BAZ2B: variants seen among roughly 807,000 people sequenced by gnomAD.
BAZ2B encodes the protein bromodomain adjacent to zinc finger domain protein 2B.
A neutral mutation model predicts 246.0 loss-of-function variants in BAZ2B; 91 were observed. The ratio of observed to expected loss-of-function variants is 0.37; its 90% confidence interval spans 0.31 to 0.44. The LOEUF is 0.44. BAZ2B is among the 20% of genes least tolerant of loss of function. BAZ2B has a pLI of 1.00. For synonymous variants in BAZ2B, 855 were observed against 860.0 expected, an observed-to-expected ratio of 0.99 and a Z score of 0.10; for missense variants, 2,332 against 2,533.7, an observed-to-expected ratio of 0.92 and a Z score of 1.71.
At chr2:159,469,887 A>G (rs1192568482) in intron 3 of BAZ2B, among the ~76,000 whole-genome samples, 2 of 152,228 alleles carry the variant, frequency 1.3e-5, no homozygotes, top group Non-Finnish European at 2.9e-5. Flanking sequence ...TAATATCATT[A>G]TATATTCTTT....
the BAZ2B span, among the ~76,000 whole-genome samples, chr2:159,629,230 T>G: frequency 6.6e-6 from 1 of 152,196 alleles, no homozygotes; most frequent in South Asian, 2.1e-4. Flanking sequence ...TTGGTGGGAG[T>G]GTAAATTAGT....
At chr2:159,560,422 T>C (rs1453988878) in intron 1 of BAZ2B, among the ~76,000 whole-genome samples, 1 of 152,228 alleles carries the variant, frequency 6.6e-6, no homozygotes, top group Admixed American at 6.5e-5. Flanking sequence ...TGAAAAATAA[T>C]CTCACAAATC....
chr2:159,395,254 T>C (rs1388427947), intron 20 of BAZ2B: 1 of 152,240 alleles, frequency 6.6e-6, no homozygotes, highest in Non-Finnish European at 1.5e-5. Flanking sequence ...TTTCAACCTT[T>C]AAGTGATTTC....
chr2:159,355,520 T>C (rs1168253622), intron 27 of BAZ2B, among the ~76,000 whole-genome samples: 1 of 152,206 alleles, frequency 6.6e-6, no homozygotes, highest in Non-Finnish European at 1.5e-5. Flanking sequence ...AGCAATTACA[T>C]TGTATACTTG....
intron 24 of BAZ2B, 144 bp from the exon 25 acceptor site, chr2:159,382,946 A>G (rs2062176758): frequency 8.8e-7 from 1 of 1,137,712 alleles, no homozygotes; most frequent in East Asian, 2.6e-5. Context: ...AAAAATTAGA[A>G]TTAGGAAACT....
intron 1 of BAZ2B, among the ~76,000 whole-genome samples, chr2:159,561,534 CA>C (rs1242208749): frequency 2.0e-5 from 3 of 152,146 alleles, no homozygotes; most frequent in African/African-American, 7.2e-5. Context: ...AGCCTATAAC[CA>C]AATGTGGTTA....
intron 36 of BAZ2B, among the ~76,000 whole-genome samples, chr2:159,324,164 G>A (rs1328142080): frequency 7.3e-6 from 1 of 137,390 alleles, no homozygotes. Flanking sequence ...TAATAACAAT[G>A]TAATTAAAAT....
chr2:159,560,677 A>C (rs2089750748), intron 1 of BAZ2B, among the ~76,000 whole-genome samples: 1 of 151,114 alleles, frequency 6.6e-6, no homozygotes, highest in Admixed American at 6.6e-5. Flanking sequence ...ACAGGCGCCC[A>C]CCACCACGCC....
intron 1 of BAZ2B, among the ~76,000 whole-genome samples, chr2:159,592,953 C>G (rs1249448599): frequency 6.6e-6 from 1 of 152,168 alleles, no homozygotes; most frequent in African/African-American, 2.4e-5. Flanking sequence ...TTCCCTCTCA[C>G]CCCAACACTG....
At chr2:159,458,462 A>C (rs1044051954) in intron 3 of BAZ2B, 1 of 152,056 alleles carries the variant, frequency 6.6e-6, no homozygotes, top group African/African-American at 2.4e-5. Context: ...AGTAGCTGGG[A>C]CTACAGGCAC....
At chr2:159,582,071 A>AAC (rs1686945679) in intron 1 of BAZ2B, among the ~76,000 whole-genome samples, 1 of 152,224 alleles carries the variant, frequency 6.6e-6, no homozygotes, top group African/African-American at 2.4e-5. Flanking sequence ...AGTATAAAAA[A>AAC]AATGCTTACA....
intron 31 of BAZ2B, among the ~76,000 whole-genome samples, chr2:159,339,106 C>A (rs2066170716): frequency 6.6e-6 from 1 of 152,086 alleles, no homozygotes. Context: ...AGGATAAATT[C>A]TTCCCCTTTA....
chr2:159,337,106 G>C (rs1164609286), intron 32 of BAZ2B, 29 bp from the exon 33 acceptor site: 6 of 1,594,416 alleles, frequency 3.8e-6, no homozygotes, highest in Middle Eastern at 3.3e-4. Context: ...AAATTAAGTA[G>C]GTCATGTCCA....
the BAZ2B span, among the ~76,000 whole-genome samples, chr2:159,700,449 GTTT>G: frequency 1.3e-5 from 2 of 151,892 alleles, no homozygotes; most frequent in African/African-American, 4.8e-5. Flanking sequence ...TCTTTTGTTT[GTTT>G]GTTTGTTTTT....
intron 1 of BAZ2B, among the ~76,000 whole-genome samples, chr2:159,607,844 C>T (rs1289509929): frequency 6.6e-6 from 1 of 152,140 alleles, no homozygotes; most frequent in Admixed American, 6.5e-5. Flanking sequence ...CATCTCTCTC[C>T]TACTATGAAC....
intron 6 of BAZ2B, among the ~76,000 whole-genome samples, chr2:159,440,471 T>C (rs909793758): frequency 2.0e-5 from 3 of 150,468 alleles, no homozygotes; most frequent in Non-Finnish European, 4.4e-5. Context: ...TTCATATGAG[T>C]GAGGAGAGTC....
At position 159,579,788 on chromosome 2, in the gene BAZ2B, C is replaced by G. The variant is rs188238661; in HGVS notation, c.-45-23923G>C. Among the ~76,000 whole-genome samples, 693 of 152,278 alleles carry G rather than the reference C, an allele frequency of 4.6e-3. 4 individuals are homozygous for G. Among genetic ancestry groups the G allele is most frequent in the African/African-American group, 0.015 (640 of 41,558 alleles). ...CATACACAAATCAATAAATGTAATA[C>G]ACCATATAAACAGAACCAAAGACAA... On this transcript the variant is annotated intron_variant, in intron 1 of 36. Transcript: ENST00000392783.
chr2:159,627,142 C>A, the BAZ2B span, among the ~76,000 whole-genome samples: 1 of 152,170 alleles, frequency 6.6e-6, no homozygotes, highest in Non-Finnish European at 1.5e-5. Flanking sequence ...CCTGAATAGA[C>A]CAATAACAAG....
At chr2:159,565,902 A>T (rs1262551399) in intron 1 of BAZ2B, among the ~76,000 whole-genome samples, 1 of 152,364 alleles carries the variant, frequency 6.6e-6, no homozygotes, top group South Asian at 2.1e-4. Flanking sequence ...TATGGAAACT[A>T]TACTGAAAAT....
Sources: gnomAD v4.1 joint callset for allele counts (sites outside exome capture counted in the v4.1 genomes callset) on GRCh38, gnomAD v4.1.1 for gene constraint, MANE v1.5 for transcripts, NCBI Gene and HGNC (gene_info 2026-07-23, HGNC 2026-07-21) for gene names.